ZBED6: variants seen among roughly 807,000 people sequenced by gnomAD.
The protein encoded by ZBED6 is zinc finger BED-type containing 6.
In ZBED6, 40 loss-of-function variants were observed where a neutral mutation model predicts 58.4. The ratio of observed to expected loss-of-function variants is 0.68; its 90% CI spans 0.53 to 0.89. The LOEUF (loss-of-function observed/expected upper bound fraction) is 0.89, where lower values mean the gene tolerates loss of function less well. Among genes scored for constraint, ZBED6 ranks in the 40% least tolerant of loss-of-function variants. The pLI, the probability that ZBED6 is intolerant of heterozygous loss-of-function variation, is 0.00. For synonymous variants in ZBED6, 439 were observed against 350.6 expected, an observed-to-expected ratio of 1.25 and a Z score of -2.82; for missense variants, 1,057 against 1,003.9, an observed-to-expected ratio of 1.05 and a Z score of -0.71.
intron 1 of ZBED6, among the ~76,000 whole-genome samples, chr1:203,807,522 G>A (rs1344857009): frequency 6.9e-6 from 1 of 144,914 alleles, no homozygotes; most frequent in Non-Finnish European, 1.5e-5. Flanking sequence ...TTGTCTTACT[G>A]TTTTTTTTTT....
At chr1:203,844,499 T>C (rs1687348498) in intron 11 of ZBED6, among the ~76,000 whole-genome samples, 1 of 152,212 alleles carries the variant, frequency 6.6e-6, no homozygotes, top group Non-Finnish European at 1.5e-5. Context: ...AAATCTTTAT[T>C]TTTATTTTTA....
intron 1 of ZBED6, among the ~76,000 whole-genome samples, chr1:203,804,385 C>T (rs1394409870): frequency 6.6e-6 from 1 of 152,036 alleles, no homozygotes; most frequent in African/African-American, 2.4e-5. Context: ...ATCTCCTGAC[C>T]TCGTGATCCG....
intron 9 of ZBED6, chr1:203,835,844 C>T: frequency 4.1e-6 from 1 of 243,366 alleles, no homozygotes. Context: ...AAGCTATGTG[C>T]TCCCTTTTTT....
rs969615725 is a variant in ZBED6, at chr1:203,837,382, T to A, written c.*3574-584T>A. ...TCAACCAGGGTTTATGACCTTTCAT[T>A]TGTAGGTTTGTCAGTTAATTTATTT... On this transcript the variant is annotated intron_variant, in intron 9 of 16. Transcript: ENST00000550078. Among the ~76,000 whole-genome samples, 14 of 152,232 alleles carry A rather than the reference T, an allele frequency of 9.2e-5. No individual in the cohort carries two copies. In the East Asian group the frequency reaches 1.5e-3, roughly 17 times the overall value.
In ZBED6 at chr1:203,848,425, G is replaced by A. The variant is rs1460992425; in HGVS notation, c.*4322+18G>A. 6.3e-7 allele frequency: 1 copy of A among 1,589,062 alleles called. No individual in the cohort carries two copies. Among genetic ancestry groups the A allele is most frequent in the Non-Finnish European group, 8.6e-7 (1 of 1,164,840 alleles). On this transcript the variant is annotated intron_variant, in intron 13 of 16. Transcript: ENST00000550078. ...CTAAAGAGGTAAATTTAAGATTATT[G>A]TATGGTTTTGTTCATGGCAAACAAA...
chr1:203,837,290 CA>C (rs11372939), intron 9 of ZBED6, among the ~76,000 whole-genome samples: 49 of 141,380 alleles, frequency 3.5e-4, no homozygotes, highest in Non-Finnish European at 3.2e-4. Flanking sequence ...GATCCTGTCT[CA>C]AAAAAAAAAA....
At chr1:203,850,003 A>G (rs1688874247) in exon 14 of ZBED6, 1 of 1,613,916 alleles carries the variant, frequency 6.2e-7, no homozygotes, top group Non-Finnish European at 8.5e-7. Flanking sequence ...TGTGCAGCAC[A>G]GACCTTGGAA....
intron 1 of ZBED6, chr1:203,805,920 C>G: frequency 1.5e-6 from 1 of 667,288 alleles, no homozygotes; most frequent in South Asian, 1.4e-5. Context: ...GCTTGTCTAC[C>G]TTCATTTCCT....
At chr1:203,804,061 C>A (rs887852921) in intron 1 of ZBED6, among the ~76,000 whole-genome samples, 3 of 151,582 alleles carry the variant, frequency 2.0e-5, no homozygotes, top group African/African-American at 7.3e-5. Context: ...TTATCCAGGT[C>A]TTCTGTGCCT....
exon 17 of ZBED6, chr1:203,852,247 T>G: frequency 6.2e-7 from 1 of 1,613,600 alleles, no homozygotes; most frequent in Non-Finnish European, 8.5e-7. Context: ...CAGCTCTGCC[T>G]CAACAGGAAA....
chr1:203,831,805 C>A, intron 8 of ZBED6, 34 bp downstream of exon 8: 1 of 1,538,610 alleles, frequency 6.5e-7, no homozygotes, highest in Non-Finnish European at 8.9e-7. Flanking sequence ...GTTGTCAAGC[C>A]TCTACTTTTA....
intron 11 of ZBED6, among the ~76,000 whole-genome samples, chr1:203,843,466 C>T (rs1687035820): frequency 6.6e-6 from 1 of 152,140 alleles, no homozygotes; most frequent in African/African-American, 2.4e-5. Flanking sequence ...TTGTTTTTGG[C>T]TAACCTTCTG....
intron 3 of ZBED6, among the ~76,000 whole-genome samples, 175 bp downstream of exon 3, chr1:203,818,864 T>G (rs1677247315): frequency 6.6e-6 from 1 of 151,596 alleles, no homozygotes; most frequent in South Asian, 2.1e-4. Context: ...GGTCAGGAGA[T>G]TGAGACCATC....
chr1:203,852,187 G>C lies in ZBED6; in HGVS notation c.*4920G>C, dbSNP rs1435611178. 1.5e-5 allele frequency: 25 copies of C among 1,613,290 alleles called. No individual in the cohort carries two copies. In the East Asian group the frequency reaches 5.6e-4, roughly 36 times the overall value. ...GTCCTCTTCAGATTCCTCACCCCCGGAGGTGTCTGGCCCTTCCTCATCCCA... is the reference window on the plus strand; with the variant it reads ...GTCCTCTTCAGATTCCTCACCCCCGCAGGTGTCTGGCCCTTCCTCATCCCA... On this transcript the variant is annotated 3_prime_UTR_variant, in exon 17 of 17. Transcript: ENST00000550078.
At chr1:203,819,070 A>G (rs1677335521) in intron 3 of ZBED6, among the ~76,000 whole-genome samples, 1 of 10,504 alleles carries the variant, frequency 9.5e-5, no homozygotes. Context: ...TCCGTCTCAA[A>G]AAAAAAAATA....
exon 14 of ZBED6, chr1:203,849,901 C>A: frequency 6.2e-7 from 1 of 1,614,130 alleles, no homozygotes. Flanking sequence ...CCAGGAATCA[C>A]ACGGCACCTG....
chr1:203,853,904 C>T (rs1326774855), exon 17 of ZBED6: 2 of 152,624 alleles, frequency 1.3e-5, no homozygotes, highest in Admixed American at 6.5e-5. Context: ...CAGGTTTCAC[C>T]ATGGATTTTC....
chr1:203,805,540 A>G (rs1672038301), intron 1 of ZBED6: 1 of 558,592 alleles, frequency 1.8e-6, no homozygotes, highest in African/African-American at 1.9e-5. Flanking sequence ...ACAGAAACGT[A>G]TCTGTTACGG....
chr1:203,818,629 A>G (rs769261818), exon 3 of ZBED6: 25 of 1,614,088 alleles, frequency 1.5e-5, no homozygotes, highest in East Asian at 2.2e-5. Context: ...CTGTTTGCAC[A>G]TTATGGCAAG....
Sources: allele counts gnomAD v4.1 joint callset (sites outside exome capture counted in the v4.1 genomes callset), GRCh38; gene constraint gnomAD v4.1.1; transcripts MANE v1.5; gene names NCBI Gene and HGNC (gene_info 2026-07-23, HGNC 2026-07-21).